The following PTPN18 variants were observed in gnomAD, a reference collection of about 807,000 sequenced individuals.
The protein encoded by PTPN18 is tyrosine-protein phosphatase non-receptor type 18.
Under a neutral mutation model 65.4 loss-of-function variants are expected in PTPN18, and 65 were observed. The ratio of observed to expected loss-of-function variants is 0.99; its 90% CI spans 0.81 to 1.22. The LOEUF (loss-of-function observed/expected upper bound fraction) is 1.22. PTPN18 is among the 50% of genes most tolerant of loss of function. PTPN18 has a pLI of 0.00. For missense variants in PTPN18, 616 were observed against 646.5 expected (o/e 0.95, Z 0.51); for synonymous variants, 255 against 267.8 (o/e 0.95, Z 0.47).
chr2:130,370,818 G>GC, intron 10 of PTPN18, 36 bp downstream of exon 10: 1 of 1,611,948 alleles, frequency 6.2e-7, no homozygotes, highest in Non-Finnish European at 8.5e-7. Flanking sequence ...AGGGACAGTG[G>GC]CCCACTGCTG....
At chr2:130,358,844 A>C (rs1229585720) in intron 1 of PTPN18, 23 bp from the exon 2 acceptor site, 2 of 1,591,390 alleles carry the variant, frequency 1.3e-6, no homozygotes, top group South Asian at 2.2e-5. Context: ...CCCCTCCCTG[A>C]CCCACTCATA....
At chr2:130,356,305 G>C in intron 1 of PTPN18, 105 bp downstream of exon 1, 3 of 796,678 alleles carry the variant, frequency 3.8e-6, no homozygotes, top group South Asian at 2.4e-5. Flanking sequence ...GGTGTCCCCG[G>C]TGTCTCCCCG....
intron 6 of PTPN18, among the ~76,000 whole-genome samples, chr2:130,369,524 A>G (rs1314426312): frequency 6.6e-6 from 1 of 152,012 alleles, no homozygotes; most frequent in African/African-American, 2.4e-5. Context: ...TCATTTTAGA[A>G]CAAAAGACAT....
At position 130,372,407 on chromosome 2, in the gene PTPN18, C is replaced by T; in HGVS notation, c.1164C>T (p.Leu388=). 7.3e-7 allele frequency: 1 copy of T among 1,370,364 alleles called. No individual in the cohort carries two copies. The highest frequency in any genetic ancestry group is 1.7e-5 in the South Asian group (1 of 59,532). 84.9% of individuals were successfully genotyped at this position (1,370,364 alleles called of 1,614,324 possible). The part of the protein sequence containing the change: ...TGARSAEEAP[L]YSKVTPRAQR... ...CGCGCAGCGCGGAGGAGGCGCCGCT[C>T]TACAGCAAGGTGACGCCGCGCGCCC... The change falls in exon 13 of 15, where the codon CTC becomes CTT. Residue 388 remains leucine (L), a synonymous_variant. Transcript: ENST00000175756.
At chr2:130,368,691 C>G (rs970523232) in intron 5 of PTPN18, among the ~76,000 whole-genome samples, 9 of 152,214 alleles carry the variant, frequency 5.9e-5, no homozygotes, top group African/African-American at 1.7e-4. Context: ...TTCCAGGACT[C>G]TGCCCTGCAA....
chr2:130,356,704 G>A (rs377626673), intron 1 of PTPN18: 7 of 446,826 alleles, frequency 1.6e-5, no homozygotes, highest in East Asian at 1.5e-4. Context: ...TCCGCTTCCC[G>A]TCCCGAATCC....
In PTPN18 at chr2:130,374,569, G is replaced by GCA; in HGVS notation, c.*1347_*1348dup. 1 of 468,964 alleles carries GCA rather than the reference G, an allele frequency of 2.1e-6. No homozygotes were observed. Among genetic ancestry groups the GCA allele is most frequent in the Non-Finnish European group, 4.4e-6 (1 of 225,890 alleles). 29.1% of individuals were successfully genotyped at this position (468,964 alleles called of 1,614,324 possible). A position where few individuals can be genotyped will look rare whatever the true frequency, so the allele number is the denominator to read the frequency against. ...AAATAAAAGGAGGACACGTCTCTGTGCACTGGTGTGGACAAATCTCCAAGT... is the reference window on the plus strand; with the variant it reads ...AAATAAAAGGAGGACACGTCTCTGTGCACACTGGTGTGGACAAATCTCCAAGT... On this transcript the variant is annotated 3_prime_UTR_variant, in exon 15 of 15. Coordinates refer to ENST00000175756, the MANE Select transcript of PTPN18 (RefSeq NM_014369.4).
At chr2:130,359,119 G>C (rs1278107116) in intron 2 of PTPN18, 114 bp from the exon 3 acceptor site, 1 of 1,472,430 alleles carries the variant, frequency 6.8e-7, no homozygotes. Flanking sequence ...AGGGCACCTT[G>C]GTGGGATCTC....
intron 5 of PTPN18, 158 bp downstream of exon 5, chr2:130,359,804 A>G (rs779131366): frequency 2.2e-6 from 2 of 902,882 alleles, no homozygotes; most frequent in Non-Finnish European, 3.4e-6. Context: ...GTTTTTGTTG[A>G]TATGTTATTC....
intron 2 of PTPN18, 86 bp downstream of exon 2, chr2:130,359,061 G>A: frequency 6.7e-7 from 1 of 1,493,196 alleles, no homozygotes; most frequent in Non-Finnish European, 9.2e-7. Context: ...GTCACCCACT[G>A]TGCTCTCCTC....
At chr2:130,357,659 A>G (rs1393302562) in intron 1 of PTPN18, among the ~76,000 whole-genome samples, 2 of 152,178 alleles carry the variant, frequency 1.3e-5, no homozygotes, top group African/African-American at 4.8e-5. Flanking sequence ...GATCCACACC[A>G]TCCTGGCTAA....
Position 130,370,913 on chromosome 2 carries a change from G to A in PTPN18, c.873G>A (p.Met291Ile), listed in dbSNP as rs138592471. 60 of 1,614,020 alleles carry A rather than the reference G, an allele frequency of 3.7e-5. No homozygotes were observed. Among genetic ancestry groups the A allele is most frequent in the Non-Finnish European group, 4.8e-5 (57 of 1,180,044 alleles). Residue 291 changes from methionine (M) to isoleucine (I), a missense_variant, in exon 11 of 15, where the codon ATG becomes ATA. Physicochemically the swap from Met to Ile is conservative, Grantham distance 10. Transcript: ENST00000175756. The stretch of plus-strand genomic sequence containing the variant: ...TCCTGTACCACACGGTGGCTCAGAT[G>A]TTCTGCTCCACACTCCAGAATGCCA... Reference protein sequence around the residue: ...YRFLYHTVAQMFCSTLQNASP... With the variant: ...YRFLYHTVAQIFCSTLQNASP...
chr2:130,359,346 G>A (rs1680110569), intron 3 of PTPN18, 37 bp downstream of exon 3: 3 of 1,613,952 alleles, frequency 1.9e-6, no homozygotes, highest in Non-Finnish European at 2.5e-6. Flanking sequence ...TGGACTGGGA[G>A]TGGCCAGGGG....
chr2:130,359,591 T>G lies in PTPN18; in HGVS notation c.376-17T>G. On this transcript the variant is annotated splice_polypyrimidine_tract_variant and intron_variant, in intron 4 of 14. Coordinates refer to ENST00000175756, the MANE Select transcript of PTPN18 (RefSeq NM_014369.4). Reference sequence around the variant, plus strand: ...TCACCCAAATCACCTTCCTCTCCCCTGACCCTCCTTGTCTAGGTGATCCTG... The same window carrying G: ...TCACCCAAATCACCTTCCTCTCCCCGGACCCTCCTTGTCTAGGTGATCCTG... The G allele has an allele frequency of 6.2e-7, 1 of 1,614,028 alleles. No individual in the cohort carries two copies. Among genetic ancestry groups the G allele is most frequent in the Non-Finnish European group, 8.5e-7 (1 of 1,179,932 alleles).
intron 11 of PTPN18, 89 bp downstream of exon 11, chr2:130,371,053 G>A (rs1296146990): frequency 6.9e-7 from 1 of 1,441,868 alleles, no homozygotes; most frequent in African/African-American, 1.4e-5. Context: ...CGGGACTACT[G>A]GGAGCAGGCA....
intron 1 of PTPN18, chr2:130,356,455 G>A (rs79910434): frequency 3.8e-6 from 2 of 532,466 alleles, no homozygotes; most frequent in South Asian, 1.9e-5. Flanking sequence ...CCTCGTTCCC[G>A]GTGTCCTCGT....
chr2:130,372,700 T>C (rs1680614969), intron 13 of PTPN18, 173 bp from the exon 14 acceptor site: 1 of 973,536 alleles, frequency 1.0e-6, no homozygotes, highest in Non-Finnish European at 1.5e-6. Flanking sequence ...CTGGCAATAC[T>C]TGTCTTGGCC....
chr2:130,359,312 G>T lies in PTPN18; in HGVS notation c.279+3G>T, dbSNP rs1680109263. On this transcript the variant is annotated splice_donor_region_variant and intron_variant, in intron 3 of 14. Coordinates refer to ENST00000175756, the MANE Select transcript of PTPN18 (RefSeq NM_014369.4). ...ACATTAATGGCAACTTCATCCGGGT[G>T]AGGGTTGGGGTCACGGAAGGAGGTG... 6.2e-7 allele frequency: 1 copy of T among 1,614,098 alleles called. No homozygotes were observed.
chr2:130,356,696 C>A (rs1430091851), intron 1 of PTPN18: 5 of 451,142 alleles, frequency 1.1e-5, no homozygotes, highest in Non-Finnish European at 2.3e-5. Flanking sequence ...GGCCCGAATC[C>A]GCTTCCCGTC....
Sources: gnomAD v4.1 joint callset for allele counts (sites outside exome capture counted in the v4.1 genomes callset) on GRCh38, gnomAD v4.1.1 for gene constraint, MANE v1.5 for transcripts, NCBI Gene and HGNC (gene_info 2026-07-23, HGNC 2026-07-21) for gene names.